CBFA2T2: variants seen among roughly 807,000 people sequenced by gnomAD.
CBFA2T2 encodes protein CBFA2T2.
Under a neutral mutation model 62.2 loss-of-function variants are expected in CBFA2T2, and 11 were observed. That is an observed-to-expected ratio of 0.18 (90% CI 0.11 to 0.29). The LOEUF (loss-of-function observed/expected upper bound fraction) is 0.29, where lower values mean the gene tolerates loss of function less well. Among genes scored for constraint, CBFA2T2 ranks in the 10% least tolerant of loss-of-function variants. The pLI is 1.00. For missense variants in CBFA2T2, 592 were observed against 774.1 expected, an observed-to-expected ratio of 0.76 and a Z score of 2.79; for synonymous variants, 295 against 287.5, an observed-to-expected ratio of 1.03 and a Z score of -0.27.
intron 1 of CBFA2T2, chr20:33,600,338 C>T (rs1018021902): frequency 1.8e-5 from 4 of 226,580 alleles, no homozygotes; most frequent in Non-Finnish European, 3.7e-5. Context: ...ATTACAGACG[C>T]CTGCCACCAT....
In CBFA2T2 at chr20:33,647,637, T is replaced by C. The variant is rs1198842735; in HGVS notation, c.*2991T>C. Reference sequence around the variant, plus strand: ...CCATAAAACTAGCCAGGGTAGCTCATGCTTTTACTGGTTGGAATAAGGAGC... The same window carrying C: ...CCATAAAACTAGCCAGGGTAGCTCACGCTTTTACTGGTTGGAATAAGGAGC... On this transcript the variant is annotated 3_prime_UTR_variant, in exon 11 of 11. Transcript: ENST00000342704. 1.3e-5 allele frequency: 2 copies of C among 152,212 alleles called. No homozygotes were observed. The highest frequency in any genetic ancestry group is 4.8e-5 in the African/African-American group (2 of 41,470). 9.4% of individuals were successfully genotyped at this position (152,212 alleles called of 1,614,324 possible).
chr20:33,643,772 T>C (rs1320042112), intron 10 of CBFA2T2, among the ~76,000 whole-genome samples: 3 of 4,740 alleles, frequency 6.3e-4, no homozygotes, highest in African/African-American at 4.2e-3. Context: ...TATATATATA[T>C]ATATATATAT....
Position 33,647,655 on chromosome 20 carries a change from T to A in CBFA2T2, c.*3009T>A, listed in dbSNP as rs2122418157. On this transcript the variant is annotated 3_prime_UTR_variant, in exon 11 of 11. Transcript: ENST00000342704. ...TAGCTCATGCTTTTACTGGTTGGAA[T>A]AAGGAGCCAAAACCAACAAAATAAT... The A allele has an allele frequency of 6.6e-6, 1 of 152,308 alleles. No homozygotes were observed. The highest frequency in any genetic ancestry group is 1.9e-4 in the East Asian group (1 of 5,188). 9.4% of individuals were successfully genotyped at this position (152,308 alleles called of 1,614,324 possible).
chr20:33,565,694 A>C (rs1055900270), intron 1 of CBFA2T2, among the ~76,000 whole-genome samples: 2 of 152,192 alleles, frequency 1.3e-5, no homozygotes, highest in African/African-American at 4.8e-5. Context: ...ATACTGGAGA[A>C]AATCATGATT....
intron 5 of CBFA2T2, chr20:33,623,629 C>G (rs1350610562): frequency 3.1e-6 from 2 of 636,878 alleles, no homozygotes; most frequent in Non-Finnish European, 5.6e-6. Context: ...ACCATGTTGC[C>G]CAGGCTGGTC....
chr20:33,544,610 C>T (rs1201552646), intron 1 of CBFA2T2, among the ~76,000 whole-genome samples: 1 of 152,006 alleles, frequency 6.6e-6, no homozygotes, highest in Non-Finnish European at 1.5e-5. Context: ...CGTAGTGGCG[C>T]GATCTCGGCT....
At position 33,627,397 on chromosome 20, in the gene CBFA2T2, G is replaced by A. The variant is rs193098685; in HGVS notation, c.947-953G>A. The stretch of plus-strand genomic sequence containing the variant: ...GGCAACAGAGTGAGACTCCGTCAAG[G>A]GGGGGGAAAAAAACTGGCTTGCTTT... On this transcript the variant is annotated intron_variant, in intron 6 of 10. Transcript: ENST00000342704. Among the ~76,000 whole-genome samples, 357 of 151,924 alleles carry A rather than the reference G, an allele frequency of 2.3e-3. 3 individuals carry two copies. The highest frequency in any genetic ancestry group is 7.8e-3 in the African/African-American group (321 of 41,392).
chr20:33,644,881 A>G lies in CBFA2T2; in HGVS notation c.*235A>G, dbSNP rs1023271636. ...GCAGCCAGCCTGAGCTGCCTCCTCC[A>G]TGGCTTTCCTGGTTTGTTCCTCTCT... On this transcript the variant is annotated 3_prime_UTR_variant, in exon 11 of 11. Coordinates refer to ENST00000342704, the MANE Select transcript of CBFA2T2 (RefSeq NM_001032999.3). 37 of 522,532 alleles carry G rather than the reference A, an allele frequency of 7.1e-5. No homozygotes were observed. The highest frequency in any genetic ancestry group is 1.0e-4 in the Non-Finnish European group (31 of 297,852). The allele number at this position is 522,532 out of a possible 1,614,324, so 32.4% of individuals were successfully genotyped here.
At chr20:33,640,933 T>C (rs1343597720) in intron 10 of CBFA2T2, among the ~76,000 whole-genome samples, 1 of 152,174 alleles carries the variant, frequency 6.6e-6, no homozygotes, top group Non-Finnish European at 1.5e-5. Context: ...ATGGCCCTAA[T>C]TTGCAGATGA....
chr20:33,634,054 C>T (rs1335316171), intron 8 of CBFA2T2, among the ~76,000 whole-genome samples: 2 of 152,222 alleles, frequency 1.3e-5, no homozygotes, highest in East Asian at 1.9e-4. Context: ...CTGCAACCTC[C>T]GCCTTTTGGC....
At chr20:33,563,870 C>T (rs537643705) in intron 1 of CBFA2T2, among the ~76,000 whole-genome samples, 1 of 152,250 alleles carries the variant, frequency 6.6e-6, no homozygotes, top group East Asian at 1.9e-4. Context: ...GGGCGCCCTT[C>T]CTCTTGCTGT....
At chr20:33,621,925 T>TTATG (rs2016006977) in intron 4 of CBFA2T2, among the ~76,000 whole-genome samples, 1 of 152,210 alleles carries the variant, frequency 6.6e-6, no homozygotes, top group Admixed American at 6.5e-5. Context: ...TTGGTCTCCT[T>TTATG]TATGTATGTC....
At chr20:33,574,156 T>C (rs1421560414) in intron 1 of CBFA2T2, 1 of 1,608,494 alleles carries the variant, frequency 6.2e-7, no homozygotes, top group South Asian at 1.1e-5. Context: ...ACTGTACCTG[T>C]GATGTTGCAT....
At chr20:33,509,433 G>A (rs1316333522) in intron 1 of CBFA2T2, among the ~76,000 whole-genome samples, 1 of 151,984 alleles carries the variant, frequency 6.6e-6, no homozygotes, top group Non-Finnish European at 1.5e-5. Context: ...GGAAAACAAG[G>A]CTTCAGATTT....
intron 1 of CBFA2T2, among the ~76,000 whole-genome samples, chr20:33,578,432 A>G (rs2013934479): frequency 6.6e-6 from 1 of 152,104 alleles, no homozygotes; most frequent in Admixed American, 6.6e-5. Context: ...AATGAAGGGA[A>G]TTTTCTTAAG....
At chr20:33,535,373 G>A (rs1238997093) in intron 1 of CBFA2T2, among the ~76,000 whole-genome samples, 3 of 151,378 alleles carry the variant, frequency 2.0e-5, no homozygotes, top group Non-Finnish European at 4.4e-5. Flanking sequence ...CCACATAGTC[G>A]TGGTGGTTGG....
intron 1 of CBFA2T2, among the ~76,000 whole-genome samples, chr20:33,606,499 A>G (rs1333884694): frequency 2.0e-5 from 3 of 152,196 alleles, no homozygotes; most frequent in Non-Finnish European, 4.4e-5. Flanking sequence ...CCGGGGTTTC[A>G]GAGGACAAAT....
At chr20:33,599,451 G>C (rs2015028896) in intron 1 of CBFA2T2, among the ~76,000 whole-genome samples, 1 of 152,124 alleles carries the variant, frequency 6.6e-6, no homozygotes, top group Non-Finnish European at 1.5e-5. Context: ...TAATTTTCCA[G>C]TATATGTATA....
At chr20:33,590,709 T>G (rs1177412511) in intron 1 of CBFA2T2, among the ~76,000 whole-genome samples, 1 of 152,202 alleles carries the variant, frequency 6.6e-6, no homozygotes, top group East Asian at 1.9e-4. Flanking sequence ...TAAAGAAAGC[T>G]AAATCTTTGC....
Sources: allele counts gnomAD v4.1 joint callset (sites outside exome capture counted in the v4.1 genomes callset), GRCh38; gene constraint gnomAD v4.1.1; transcripts MANE v1.5; gene names NCBI Gene and HGNC (gene_info 2026-07-23, HGNC 2026-07-21).